The following KDM4C variants were observed in gnomAD, a reference collection of about 807,000 sequenced individuals.
The protein encoded by KDM4C is lysine-specific demethylase 4C.
Under a neutral mutation model 129.3 loss-of-function variants are expected in KDM4C, and 81 were observed. The observed-to-expected ratio is 0.63, with a 90% CI of 0.52 to 0.75. The LOEUF is 0.75. Ranked by LOEUF, KDM4C falls within the 30% of genes least tolerant of loss-of-function variation. KDM4C has a pLI of 0.00. For synonymous variants in KDM4C, 573 were observed against 456.1 expected (o/e 1.26, Z -3.26); for missense variants, 1,457 against 1,304.0 (o/e 1.12, Z -1.81).
At position 6,956,399 on chromosome 9, in the gene KDM4C, T is replaced by G. The variant is rs1338783630; in HGVS notation, c.922-24526T>G. Among the ~76,000 whole-genome samples the G allele has an allele frequency of 2.6e-5, 4 of 152,114 alleles. No individual in the cohort carries two copies. In the East Asian group the frequency reaches 5.8e-4, roughly 22 times the overall value. Reference sequence around the variant, plus strand: ...CACCTACTAAGTACCCATAAAAATTTAAAAAATTAAAAAAAATTGTAATGT... The same window carrying G: ...CACCTACTAAGTACCCATAAAAATTGAAAAAATTAAAAAAAATTGTAATGT... On this transcript the variant is annotated intron_variant, in intron 8 of 21. Transcript: ENST00000381309.
At chr9:6,814,845 G>GC in intron 4 of KDM4C, 100 bp downstream of exon 4, 1 of 626,054 alleles carries the variant, frequency 1.6e-6, no homozygotes, top group South Asian at 3.0e-5. Flanking sequence ...GTGCTTTTGG[G>GC]TGATCCATAA....
chr9:6,896,923 C>T (rs370831376), intron 8 of KDM4C, among the ~76,000 whole-genome samples: 3 of 152,134 alleles, frequency 2.0e-5, no homozygotes, highest in East Asian at 3.9e-4. Context: ...TGGCTTTCAT[C>T]GGAATCTGTT....
At chr9:7,063,725 G>A (rs1832030792) in intron 17 of KDM4C, among the ~76,000 whole-genome samples, 1 of 152,206 alleles carries the variant, frequency 6.6e-6, no homozygotes, top group Non-Finnish European at 1.5e-5. Context: ...ACTTAGCAGT[G>A]TGGGACAGTA....
chr9:6,748,454 C>G (rs1160541478), intron 1 of KDM4C, among the ~76,000 whole-genome samples: 1 of 150,682 alleles, frequency 6.6e-6, no homozygotes, highest in Non-Finnish European at 1.5e-5. Context: ...TTGCGGGGAG[C>G]TGAGATTACG....
At chr9:6,992,996 A>G (rs1370070263) in intron 12 of KDM4C, among the ~76,000 whole-genome samples, 1 of 152,178 alleles carries the variant, frequency 6.6e-6, no homozygotes, top group African/African-American at 2.4e-5. Flanking sequence ...GTACGTTGCT[A>G]TTCTCTTTAG....
At chr9:7,055,061 C>T (rs1830687428) in intron 17 of KDM4C, among the ~76,000 whole-genome samples, 2 of 152,012 alleles carry the variant, frequency 1.3e-5, no homozygotes, top group Non-Finnish European at 2.9e-5. Flanking sequence ...GCTTGTAGTA[C>T]CAGCTGCTCG....
intron 17 of KDM4C, among the ~76,000 whole-genome samples, chr9:7,063,116 C>T (rs529878550): frequency 2.0e-5 from 3 of 152,020 alleles, no homozygotes; most frequent in South Asian, 2.1e-4. Context: ...TAGAATTTGC[C>T]ACATATCTTT....
At chr9:6,735,054 T>C in intron 1 of KDM4C, 2 of 459,894 alleles carry the variant, frequency 4.3e-6, no homozygotes, top group South Asian at 3.5e-5. Flanking sequence ...GTCAAAGAGA[T>C]GCTCCAAAGT....
At chr9:7,146,735 C>T (rs1842248533) in intron 19 of KDM4C, among the ~76,000 whole-genome samples, 1 of 152,184 alleles carries the variant, frequency 6.6e-6, no homozygotes, top group African/African-American at 2.4e-5. Context: ...ACTTATTAGC[C>T]CTGTGGCCTC....
chr9:6,768,883 C>G (rs1051799418), intron 1 of KDM4C, among the ~76,000 whole-genome samples: 2 of 152,054 alleles, frequency 1.3e-5, no homozygotes, highest in South Asian at 4.1e-4. Context: ...AGTGATTCTC[C>G]TGCCTCAGCC....
chr9:6,983,613 C>CACACACACACACACACACACAG (rs1554679077), intron 9 of KDM4C, among the ~76,000 whole-genome samples: 1 of 146,424 alleles, frequency 6.8e-6, no homozygotes, highest in Non-Finnish European at 1.5e-5. Flanking sequence ...CACACACACA[C>CACACACACACACACACACACAG]CAGTTAGCCT....
chr9:6,907,669 C>T (rs989735547), intron 8 of KDM4C, among the ~76,000 whole-genome samples: 1 of 152,058 alleles, frequency 6.6e-6, no homozygotes, highest in African/African-American at 2.4e-5. Context: ...GGACATTTCA[C>T]GTTGATTCTA....
At chr9:6,778,274 G>A (rs1334645846) in intron 1 of KDM4C, among the ~76,000 whole-genome samples, 1 of 151,184 alleles carries the variant, frequency 6.6e-6, no homozygotes, top group African/African-American at 2.4e-5. Flanking sequence ...ATTTTTAGTA[G>A]AGACAGGGTT....
intron 4 of KDM4C, among the ~76,000 whole-genome samples, chr9:6,820,963 A>G (rs1160000682): frequency 1.3e-5 from 2 of 151,354 alleles, no homozygotes; most frequent in Non-Finnish European, 2.9e-5. Context: ...GAGTAAGAAC[A>G]TGCATTGTTT....
chr9:6,857,617 A>C (rs553180682), intron 5 of KDM4C, among the ~76,000 whole-genome samples: 12 of 152,318 alleles, frequency 7.9e-5, no homozygotes, highest in African/African-American at 2.9e-4. Context: ...AGATTTTACT[A>C]ATTAATTGAT....
At chr9:7,165,186 T>A in intron 19 of KDM4C, 52 bp from the exon 20 acceptor site, 1 of 1,598,974 alleles carries the variant, frequency 6.3e-7, no homozygotes, top group South Asian at 1.1e-5. Flanking sequence ...AAGTTCTAAA[T>A]GCAGTCACTT....
intron 15 of KDM4C, among the ~76,000 whole-genome samples, chr9:7,044,979 T>C (rs1829184809): frequency 6.6e-6 from 1 of 151,974 alleles, no homozygotes; most frequent in Non-Finnish European, 1.5e-5. Flanking sequence ...TGTATGGTGC[T>C]AAGAGGTCAG....
intron 20 of KDM4C, among the ~76,000 whole-genome samples, chr9:7,169,570 G>A (rs554432148): frequency 9.3e-4 from 141 of 152,260 alleles, no homozygotes; most frequent in Non-Finnish European, 1.6e-3. Flanking sequence ...CTGACCTTGG[G>A]ATCTGCCTGC....
At chr9:6,829,689 CTG>C (rs1588553191) in intron 4 of KDM4C, among the ~76,000 whole-genome samples, 1 of 152,178 alleles carries the variant, frequency 6.6e-6, no homozygotes, top group East Asian at 1.9e-4. Flanking sequence ...AGCTTGAACA[CTG>C]TGTATACTCT....
Sources: gnomAD v4.1 joint callset for allele counts (sites outside exome capture counted in the v4.1 genomes callset) on GRCh38, gnomAD v4.1.1 for gene constraint, MANE v1.5 for transcripts, NCBI Gene and HGNC (gene_info 2026-07-23, HGNC 2026-07-21) for gene names.